The following NPFFR1 variants were observed in gnomAD, a reference collection of about 807,000 sequenced individuals.
NPFFR1 encodes the protein neuropeptide FF receptor 1, also known as G-protein coupled receptor 147.
In NPFFR1, 17 loss-of-function variants were observed where a neutral mutation model predicts 12.7. The observed-to-expected ratio is 1.34, with a 90% confidence interval of 0.92 to 2.01. The LOEUF (loss-of-function observed/expected upper bound fraction) is 2.01. Among genes scored for constraint, NPFFR1 ranks in the 30% most tolerant of loss-of-function variants. NPFFR1 has a pLI of 0.00. For synonymous variants in NPFFR1, 296 were observed against 264.5 expected, an observed-to-expected ratio of 1.12 and a Z score of -1.16; for missense variants, 604 against 606.5, an observed-to-expected ratio of 1.00 and a Z score of 0.04.
At chr10:70,268,464 C>A (rs1228225829) in intron 1 of NPFFR1, among the ~76,000 whole-genome samples, 1 of 152,016 alleles carries the variant, frequency 6.6e-6, no homozygotes, top group Non-Finnish European at 1.5e-5. Context: ...TGTGAACCAC[C>A]CCAAAATTTA....
chr10:70,248,451 T>C lies in NPFFR1; in HGVS notation c.*6506A>G, dbSNP rs1363369396. 2 of 148,108 alleles carry C rather than the reference T, an allele frequency of 1.4e-5. No individual in the cohort carries two copies. The highest frequency in any genetic ancestry group is 3.0e-5 in the Non-Finnish European group (2 of 67,536). The allele number at this position is 148,108 out of a possible 1,614,324, so 9.2% of individuals were successfully genotyped here. On this transcript the variant is annotated 3_prime_UTR_variant, in exon 4 of 4. Coordinates refer to ENST00000277942, the MANE Select transcript of NPFFR1 (RefSeq NM_022146.5). ...AAATAAATAACAGACACAAAGTACGTAGTACTATGCCTGGCGTTTTTTTTT... is the reference window on the plus strand; with the variant it reads ...AAATAAATAACAGACACAAAGTACGCAGTACTATGCCTGGCGTTTTTTTTT...
chr10:70,279,491 G>A lies in NPFFR1; in HGVS notation c.7+4179C>T, dbSNP rs185092435. ...TTATTTATTTTTAAGATGGAGTCTTGCTCTGTCGCCCAGGCCAGAGTGCAG... is the reference window on the plus strand; with the variant it reads ...TTATTTATTTTTAAGATGGAGTCTTACTCTGTCGCCCAGGCCAGAGTGCAG... On this transcript the variant is annotated intron_variant, in intron 1 of 3. Transcript: ENST00000277942. 2.6e-4 allele frequency among the ~76,000 whole-genome samples: 39 copies of A among 151,742 alleles called. No individual in the cohort carries two copies. The East Asian group carries it at 7.4e-3, about 29-fold the overall frequency.
chr10:70,257,147 G>C (rs1046721445), intron 3 of NPFFR1, among the ~76,000 whole-genome samples: 1 of 152,132 alleles, frequency 6.6e-6, no homozygotes, highest in Non-Finnish European at 1.5e-5. Flanking sequence ...TATTCTTCCA[G>C]CTACACAGGA....
rs1840466487 is a variant in NPFFR1, at chr10:70,247,995, T to A, written c.*6962A>T. On this transcript the variant is annotated 3_prime_UTR_variant, in exon 4 of 4. Coordinates refer to ENST00000277942, the MANE Select transcript of NPFFR1 (RefSeq NM_022146.5). The stretch of plus-strand genomic sequence containing the variant: ...AGCCATTGAAAGTGATGCAAATGTG[T>A]CTCATGGCCAAAACAGCAGCCTGGA... 1 of 152,194 alleles carries A rather than the reference T, an allele frequency of 6.6e-6. No individual in the cohort carries two copies. Among genetic ancestry groups the A allele is most frequent in the Admixed American group, 6.5e-5 (1 of 15,286 alleles). The allele number at this position is 152,194 out of a possible 1,614,324, so 9.4% of individuals were successfully genotyped here.
rs561097562 is a variant in NPFFR1 at position 70,270,002 on chromosome 10, C to T, written c.8-3611G>A. On this transcript the variant is annotated intron_variant, in intron 1 of 3. Transcript: ENST00000277942. Reference sequence around the variant, plus strand: ...TAGCTCTCAGCATAAATGTTGTCTTCCCATAGCATCTGGTTTATGTTCATC... The same window carrying T: ...TAGCTCTCAGCATAAATGTTGTCTTTCCATAGCATCTGGTTTATGTTCATC... 2.0e-5 allele frequency among the ~76,000 whole-genome samples: 3 copies of T among 152,264 alleles called. No homozygotes were observed. The East Asian group carries it at 5.8e-4, about 29-fold the overall frequency.
chr10:70,275,841 G>A (rs1453121632), intron 1 of NPFFR1, among the ~76,000 whole-genome samples: 1 of 152,134 alleles, frequency 6.6e-6, no homozygotes, highest in African/African-American at 2.4e-5. Flanking sequence ...CTCTGACAAG[G>A]AAAGGAGAAT....
rs1840556606 is a variant in NPFFR1, at chr10:70,255,491, G to T, written c.759C>A (p.Gly253=). The change falls in exon 4 of 4, where the codon GGC becomes GGA. Residue 253 remains glycine (G), a synonymous_variant. Coordinates refer to ENST00000277942, the MANE Select transcript of NPFFR1 (RefSeq NM_022146.5). The surrounding 1 kb of genome is among the most constrained non-coding windows in gnomAD (Gnocchi z 4.2). ...ATGCTCGCGGGTCCGCAGCCTCCTC[G>T]CCCCCGGGGGCCGGGCCCGGGGCCT... ...LCQAPGPAPG[G]EEAADPRASR... is the part of the protein sequence containing the mutation. 6.5e-7 allele frequency: 1 copy of T among 1,547,624 alleles called. No individual in the cohort carries two copies. The highest frequency in any genetic ancestry group is 8.7e-7 in the Non-Finnish European group (1 of 1,145,378).
At chr10:70,272,244 G>GAAAGAAAGAGA (rs60571634) in intron 1 of NPFFR1, among the ~76,000 whole-genome samples, 40 of 64,476 alleles carry the variant, frequency 6.2e-4, no homozygotes, top group African/African-American at 2.4e-3. Flanking sequence ...AAGAAAGAAA[G>GAAAGAAAGAGA]AAGAAAGAAG....
rs868574131 is a variant in NPFFR1 at position 70,276,669 on chromosome 10, C to A, written c.7+7001G>T. Among the ~76,000 whole-genome samples, 24 of 144,748 alleles carry A rather than the reference C, an allele frequency of 1.7e-4. No homozygotes were observed. In the South Asian group the frequency reaches 4.4e-3, roughly 26 times the overall value. 95.0% of individuals were successfully genotyped at this position (144,748 alleles called of 152,430 possible). On this transcript the variant is annotated intron_variant, in intron 1 of 3. Coordinates refer to ENST00000277942, the MANE Select transcript of NPFFR1 (RefSeq NM_022146.5). ...GTGGCGCGATCTGGGTTCACTGCAA[C>A]CTTCACCTCCCGGGTTCAAGCAATG...
intron 2 of NPFFR1, among the ~76,000 whole-genome samples, chr10:70,264,334 A>G (rs897623161): frequency 7.1e-6 from 1 of 141,330 alleles, no homozygotes; most frequent in Non-Finnish European, 1.5e-5. Flanking sequence ...AGATCCCAGC[A>G]CTGCATTCCA....
intron 1 of NPFFR1, among the ~76,000 whole-genome samples, chr10:70,281,106 C>T (rs1257294672): frequency 6.6e-6 from 1 of 152,216 alleles, no homozygotes; most frequent in Non-Finnish European, 1.5e-5. Context: ...TTGTGATGCT[C>T]TCTGCCTGCC....
Position 70,251,628 on chromosome 10 carries a change from C to T in NPFFR1, c.*3329G>A, listed in dbSNP as rs957635948. ...TCAACAGGCCTCTGGCCCTTTTCCCCCATCACGCATGCCGTTCATCTCCGA... is the reference window on the plus strand; with the variant it reads ...TCAACAGGCCTCTGGCCCTTTTCCCTCATCACGCATGCCGTTCATCTCCGA... On this transcript the variant is annotated 3_prime_UTR_variant, in exon 4 of 4. Coordinates refer to ENST00000277942, the MANE Select transcript of NPFFR1 (RefSeq NM_022146.5). The T allele has an allele frequency of 6.6e-6, 1 of 152,248 alleles. No homozygotes were observed. Among genetic ancestry groups the T allele is most frequent in the Admixed American group, 6.5e-5 (1 of 15,286 alleles). The allele number at this position is 152,248 out of a possible 1,614,324, so 9.4% of individuals were successfully genotyped here. A position where few individuals can be genotyped will look rare whatever the true frequency, so the allele number is the denominator to read the frequency against.
intron 2 of NPFFR1, 108 bp from the exon 3 acceptor site, chr10:70,260,847 G>A: frequency 1.1e-6 from 1 of 898,554 alleles, no homozygotes; most frequent in Non-Finnish European, 1.8e-6. Context: ...TTTCCTCCAT[G>A]ACCTGCTAGG....
Position 70,251,154 on chromosome 10 carries a change from A to G in NPFFR1, c.*3803T>C, listed in dbSNP as rs574738418. The G allele has an allele frequency of 2.0e-5, 3 of 152,354 alleles. 1 individual carries two copies. Among genetic ancestry groups the G allele is most frequent in the South Asian group, 4.1e-4 (2 of 4,826 alleles). The allele number at this position is 152,354 out of a possible 1,614,324, so 9.4% of individuals were successfully genotyped here. A position where few individuals can be genotyped will look rare whatever the true frequency, so the allele number is the denominator to read the frequency against. On this transcript the variant is annotated 3_prime_UTR_variant, in exon 4 of 4. Coordinates refer to ENST00000277942, the MANE Select transcript of NPFFR1 (RefSeq NM_022146.5). ...AGCCCATTTAGACCGCCTCCTTCTC[A>G]TCTATCTTTCATCAGTGACACTTCT...
intron 1 of NPFFR1, among the ~76,000 whole-genome samples, chr10:70,281,755 A>G (rs1840864951): frequency 6.6e-6 from 1 of 152,192 alleles, no homozygotes; most frequent in South Asian, 2.1e-4. Flanking sequence ...ATAGTATGCC[A>G]TTGCAGAAGT....
intron 3 of NPFFR1, among the ~76,000 whole-genome samples, chr10:70,259,825 C>T (rs1272978800): frequency 5.3e-5 from 8 of 152,242 alleles, no homozygotes; most frequent in African/African-American, 9.6e-5. Flanking sequence ...AGCCTCCCAA[C>T]CATCCTGTAG....
Position 70,266,309 on chromosome 10 carries a change from G to A in NPFFR1, c.90C>T (p.Leu30=). The A allele has an allele frequency of 6.2e-7, 1 of 1,613,814 alleles. No individual in the cohort carries two copies. The highest frequency in any genetic ancestry group is 1.3e-5 in the African/African-American group (1 of 75,064). The stretch of plus-strand genomic sequence containing the variant: ...TGTGCTGATAGTAGGAGGAGAAGGT[G>A]AGGTTTGTAGCCGGGGTGGCCTCAG... ...TNTEATPATN[L]TFSSYYQHTS... The change falls in exon 2 of 4, where the codon CTC becomes CTT. Residue 30 remains leucine (L), a synonymous_variant. Transcript: ENST00000277942.
In NPFFR1 at chr10:70,278,971, A is replaced by G. The variant is rs1327077954; in HGVS notation, c.7+4699T>C. ...ATTTAAAATAAGTTTTAAGTTTTTT[A>G]TTGCAAATTGACAATTTATAATTAT... On this transcript the variant is annotated intron_variant, in intron 1 of 3. Coordinates refer to ENST00000277942, the MANE Select transcript of NPFFR1 (RefSeq NM_022146.5). Among the ~76,000 whole-genome samples the G allele has an allele frequency of 3.9e-5, 6 of 152,250 alleles. No homozygotes were observed. In the East Asian group the frequency reaches 9.7e-4, roughly 24 times the overall value.
At chr10:70,283,610 C>T in intron 1 of NPFFR1, 60 bp downstream of exon 1, 2 of 1,487,178 alleles carry the variant, frequency 1.3e-6, no homozygotes, top group African/African-American at 1.4e-5. Context: ...CTCCCTTCGC[C>T]CCATGCCCCG....
Sources: allele counts gnomAD v4.1 joint callset (sites outside exome capture counted in the v4.1 genomes callset), GRCh38; gene constraint gnomAD v4.1.1; non-coding constraint Gnocchi (gnomAD v3.1); transcripts MANE v1.5; gene names NCBI Gene and HGNC (gene_info 2026-07-23, HGNC 2026-07-21).